RIF1: variants seen among roughly 807,000 people sequenced by gnomAD.
RIF1 encodes the protein telomere-associated protein RIF1.
In RIF1, 45 loss-of-function variants were observed where a neutral mutation model predicts 247.1. The observed-to-expected ratio is 0.18, with a 90% confidence interval of 0.14 to 0.23. The LOEUF (loss-of-function observed/expected upper bound fraction) is 0.23. RIF1 is among the 10% of genes least tolerant of loss of function. RIF1 has a pLI of 1.00. For missense variants in RIF1, 2,967 were observed against 2,862.5 expected, an observed-to-expected ratio of 1.04 and a Z score of -0.83; for synonymous variants, 1,087 against 978.8, an observed-to-expected ratio of 1.11 and a Z score of -2.06.
At chr2:151,416,250 A>T (rs1384999994) in intron 4 of RIF1, among the ~76,000 whole-genome samples, 6 of 152,208 alleles carry the variant, frequency 3.9e-5, no homozygotes, top group Non-Finnish European at 5.9e-5. Context: ...TGGAGCAGAG[A>T]TGCAGGATTG....
intron 13 of RIF1, among the ~76,000 whole-genome samples, chr2:151,507,415 G>GT (rs35218518): frequency 1.3e-5 from 2 of 152,292 alleles, no homozygotes; most frequent in South Asian, 4.1e-4. Flanking sequence ...GGCCTTCTCT[G>GT]TTTTTTCCTG....
Position 151,479,963 on chromosome 2 carries a change from G to GT in RIF1, c.*4893dup, listed in dbSNP as rs1367423887. ...GCTCTTTGCAAGTAGCCGTTAAAGT[G>GT]TAAGTCATTGAAGTTTGAAGATCTA... On this transcript the variant is annotated 3_prime_UTR_variant, in exon 36 of 36. Transcript: ENST00000444746. 6.6e-6 allele frequency: 1 copy of GT among 152,166 alleles called. No homozygotes were observed. Among genetic ancestry groups the GT allele is most frequent in the Non-Finnish European group, 1.5e-5 (1 of 68,016 alleles). The allele number at this position is 152,166 out of a possible 1,614,324, so 9.4% of individuals were successfully genotyped here. A position where few individuals can be genotyped will look rare whatever the true frequency, so the allele number is the denominator to read the frequency against.
chr2:151,418,620 A>G (rs1217536663), intron 6 of RIF1, among the ~76,000 whole-genome samples: 1 of 151,224 alleles, frequency 6.6e-6, no homozygotes, highest in Non-Finnish European at 1.5e-5. Flanking sequence ...CACACCTGTA[A>G]TCCCAGAACT....
chr2:151,496,439 A>T (rs776999871), intron 10 of RIF1: 184 of 1,515,250 alleles, frequency 1.2e-4, no homozygotes, highest in Non-Finnish European at 1.6e-4. Context: ...TTTTAAGGGT[A>T]AGGTCAACTT....
At chr2:151,487,119 C>T (rs927076668), downstream of RIF1, among the ~76,000 whole-genome samples, 1 of 152,042 alleles carries the variant, frequency 6.6e-6, no homozygotes, top group East Asian at 1.9e-4. Flanking sequence ...TTATTTATGG[C>T]CTTTTTCTAC....
chr2:151,475,264 T>C lies in RIF1; in HGVS notation c.*193T>C. Reference sequence around the variant, plus strand: ...TTCATTATGTAAGATCCTTTTTTTTTTCATAATATGTATTCTTGGCTGCTA... The same window carrying C: ...TTCATTATGTAAGATCCTTTTTTTTCTCATAATATGTATTCTTGGCTGCTA... On this transcript the variant is annotated 3_prime_UTR_variant, in exon 36 of 36. Transcript: ENST00000444746. The C allele has an allele frequency of 1.8e-6, 1 of 558,912 alleles. No individual in the cohort carries two copies. The highest frequency in any genetic ancestry group is 3.1e-5 in the East Asian group (1 of 32,042). The allele number at this position is 558,912 out of a possible 1,614,324, so 34.6% of individuals were successfully genotyped here.
chr2:151,422,753 G>T (rs1688396119), intron 7 of RIF1, among the ~76,000 whole-genome samples, 197 bp from the exon 8 acceptor site: 1 of 151,954 alleles, frequency 6.6e-6, no homozygotes, highest in East Asian at 1.9e-4. Flanking sequence ...GCCGAGGCAG[G>T]TGATTCTCCT....
In RIF1 at chr2:151,443,612, A is replaced by G. The variant is rs1365388237; in HGVS notation, c.1889A>G (p.Asn630Ser). 1.2e-6 allele frequency: 2 copies of G among 1,612,936 alleles called. No homozygotes were observed. Among genetic ancestry groups the G allele is most frequent in the African/African-American group, 2.7e-5 (2 of 74,906 alleles). The change falls in exon 18 of 36, where the codon AAT becomes AGT. Residue 630 changes from asparagine (N) to serine (S), a missense_variant. This residue lies in a region of RIF1 where 369 missense variants were observed against 322.0 expected (regional missense o/e 1.15). Transcript: ENST00000444746. Reference sequence around the variant, plus strand: ...CTAGCTTTCAGTGACTCAGTTTTAAATGTTATTAATCAAAATGCAAAGCAG... The same window carrying G: ...CTAGCTTTCAGTGACTCAGTTTTAAGTGTTATTAATCAAAATGCAAAGCAG... ...SPLAFSDSVLNVINQNAKQLE... is the reference protein window; with the variant it reads ...SPLAFSDSVLSVINQNAKQLE...
chr2:151,421,064 A>G (rs1688084830), intron 7 of RIF1, among the ~76,000 whole-genome samples: 1 of 152,228 alleles, frequency 6.6e-6, no homozygotes, highest in African/African-American at 2.4e-5. Context: ...TCTAGTTATT[A>G]CTTGCCACAG....
chr2:151,470,777 C>T (rs892523479), intron 34 of RIF1, among the ~76,000 whole-genome samples: 1 of 152,158 alleles, frequency 6.6e-6, no homozygotes, highest in Non-Finnish European at 1.5e-5. Context: ...TCTAAACATT[C>T]ATTAACTGGT....
the RIF1 span, chr2:151,516,594 T>G: frequency 4.3e-6 from 6 of 1,395,136 alleles, no homozygotes; most frequent in African/African-American, 1.4e-5. Context: ...TAGATATCTC[T>G]CCTCTGGTCA....
At chr2:151,508,836 T>C (rs1375098089), downstream of RIF1, among the ~76,000 whole-genome samples, 1 of 152,246 alleles carries the variant, frequency 6.6e-6, no homozygotes, top group Non-Finnish European at 1.5e-5. Flanking sequence ...CGTGTCCATA[T>C]AGAGGCTGCT....
chr2:151,436,830 C>T lies in RIF1; in HGVS notation c.1199C>T (p.Ala400Val). ...LNPMTPVHKG[A>V]SSPYGAPGTP... is the part of the protein sequence containing the mutation. ...TCTTTTTTTTTTTTTCTTAAAGGTG[C>T]TTCCTCCCCGTACGGAGCCCCGGGA... The change falls in exon 12 of 36, where the codon GCT becomes GTT. Residue 400 changes from alanine to valine, a missense_variant. Coordinates refer to ENST00000444746, the MANE Select transcript of RIF1 (RefSeq NM_018151.5). 7 of 1,550,666 alleles carry T rather than the reference C, an allele frequency of 4.5e-6. No individual in the cohort carries two copies. Among genetic ancestry groups the T allele is most frequent in the African/African-American group, 2.8e-5 (2 of 71,120 alleles).
intron 6 of RIF1, among the ~76,000 whole-genome samples, chr2:151,419,678 G>A (rs1052285754): frequency 4.6e-5 from 7 of 152,080 alleles, no homozygotes; most frequent in South Asian, 2.1e-4. Context: ...ATGTAAATGC[G>A]CCGTACTTTT....
the RIF1 span, chr2:151,527,120 A>C: frequency 7.9e-6 from 6 of 756,890 alleles, no homozygotes; most frequent in African/African-American, 7.0e-5. Flanking sequence ...TAAGGAGAGG[A>C]CAAAGACTTG....
intron 9 of RIF1, among the ~76,000 whole-genome samples, chr2:151,431,439 G>GT (rs535505978): frequency 9.2e-4 from 140 of 152,298 alleles, no homozygotes; most frequent in African/African-American, 3.3e-3. Context: ...AAGGAGATTG[G>GT]TTTATTGCAT....
chr2:151,503,260 G>T, intron 12 of RIF1: 1 of 956,458 alleles, frequency 1.0e-6, no homozygotes, highest in Non-Finnish European at 1.7e-6. Context: ...CAGAATTGCT[G>T]TTAAGATGTT....
In RIF1 at chr2:151,464,511, T is replaced by G; in HGVS notation, c.4991T>G (p.Phe1664Cys). Residue 1664 changes from phenylalanine (F) to cysteine (C), a missense_variant, in exon 30 of 36, where the codon TTT becomes TGT. Phe to Cys is a radical substitution (Grantham distance 205, BLOSUM62 -2). Transcript: ENST00000444746. ...NETSKYAEYS[F>C]TSLPVPESNL... ...ACTAGCAAATATGCAGAATATTCCT[T>G]TACAAGTCTACCTGTGCCAGAATCA... is the stretch of plus-strand genomic sequence containing the variant. 1 of 1,612,360 alleles carries G rather than the reference T, an allele frequency of 6.2e-7. No individual in the cohort carries two copies. Among genetic ancestry groups the G allele is most frequent in the South Asian group, 1.1e-5 (1 of 90,410 alleles).
chr2:151,494,266 A>G lies in RIF1; in HGVS notation c.*416-963A>G, dbSNP rs2058626028. The G allele has an allele frequency of 6.4e-6, 10 of 1,554,686 alleles. No individual in the cohort carries two copies. Among genetic ancestry groups the G allele is most frequent in the Middle Eastern group, 3.3e-4 (2 of 5,984 alleles). On this transcript the variant is annotated intron_variant and NMD_transcript_variant, in intron 9 of 13. Coordinates refer to the RIF1 transcript ENST00000454583. ...CTTTGTACAAAACCTATGGGAATCCAATGGGTCCAAAAAGCCAAAAAGAAA... is the reference window on the plus strand; with the variant it reads ...CTTTGTACAAAACCTATGGGAATCCGATGGGTCCAAAAAGCCAAAAAGAAA...
Sources: allele counts gnomAD v4.1 joint callset (sites outside exome capture counted in the v4.1 genomes callset), GRCh38; gene constraint gnomAD v4.1.1; regional missense constraint gnomAD v4.1.1; transcripts MANE v1.5; gene names NCBI Gene and HGNC (gene_info 2026-07-23, HGNC 2026-07-21).